CR1: variants seen among roughly 807,000 people sequenced by gnomAD.
CR1 encodes the protein complement C3b/C4b receptor 1 (Knops blood group), also known as complement receptor type 1.
A neutral mutation model predicts 187.3 loss-of-function variants in CR1; 116 were observed. The observed-to-expected ratio is 0.62, with a 90% confidence interval of 0.53 to 0.72. The LOEUF (loss-of-function observed/expected upper bound fraction) is 0.72. Ranked by LOEUF, CR1 falls within the 30% of genes least tolerant of loss-of-function variation. The pLI, the probability that CR1 is intolerant of heterozygous loss-of-function variation, is 0.00. For synonymous variants in CR1, 576 were observed against 747.1 expected (o/e 0.77, Z 3.73); for missense variants, 1,731 against 2,110.7 (o/e 0.82, Z 3.52).
chr1:207,641,391 G>A lies in CR1; in HGVS notation c.*1982G>A, dbSNP rs1347583631. The A allele has an allele frequency of 2.0e-5, 3 of 152,132 alleles. No individual in the cohort carries two copies. The highest frequency in any genetic ancestry group is 4.4e-5 in the Non-Finnish European group (3 of 68,040). 9.4% of individuals were successfully genotyped at this position (152,132 alleles called of 1,614,324 possible). On this transcript the variant is annotated 3_prime_UTR_variant, in exon 47 of 47. Transcript: ENST00000367049. ...GGGTCTTGCTCTGTTACCCAGGCTG[G>A]AGTGCAGTGGTGCTATCTAGGCTTA...
Position 207,609,381 on chromosome 1 carries a change from C to T in CR1, c.5988C>T (p.Tyr1996=). Residue 1996 remains tyrosine, a synonymous_variant, in exon 37 of 47, where the codon TAC becomes TAT. Coordinates refer to ENST00000367049, the MANE Select transcript of CR1 (RefSeq NM_000651.6). ...TTCACAATGGAACGGTGGTAACTTACCAGTGCCACACTGGACCAGATGGAG... is the reference window on the plus strand; with the variant it reads ...TTCACAATGGAACGGTGGTAACTTATCAGTGCCACACTGGACCAGATGGAG... The part of the protein sequence containing the change: ...TSFHNGTVVT[Y]QCHTGPDGEQ... 1.2e-6 allele frequency: 2 copies of T among 1,614,010 alleles called. No individual in the cohort carries two copies. Among genetic ancestry groups the T allele is most frequent in the East Asian group, 2.2e-5 (1 of 44,878 alleles).
chr1:207,637,598 C>T (rs1286304146), intron 46 of CR1, among the ~76,000 whole-genome samples: 1 of 152,226 alleles, frequency 6.6e-6, no homozygotes, highest in East Asian at 1.9e-4. Flanking sequence ...TTTTGGACTG[C>T]AGGCATTAAA....
At chr1:207,498,792 C>T (rs553597235) in intron 1 of CR1, among the ~76,000 whole-genome samples, 66 of 141,494 alleles carry the variant, frequency 4.7e-4, no homozygotes, top group African/African-American at 1.6e-3. Context: ...GCATGAGAAT[C>T]GCTTGAACCT....
rs1332301171 is a variant in CR1 at position 207,617,507 on chromosome 1, A to ATATGTGTG, written c.6890-563_6890-562insATGTGTGT. 1.6e-3 allele frequency among the ~76,000 whole-genome samples: 75 copies of ATATGTGTG among 47,018 alleles called. 3 individuals are homozygous for ATATGTGTG. The highest frequency in any genetic ancestry group is 0.015 in the South Asian group (23 of 1,530). 30.8% of individuals were successfully genotyped at this position (47,018 alleles called of 152,430 possible). A position where few individuals can be genotyped will look rare whatever the true frequency, so the allele number is the denominator to read the frequency against. On this transcript the variant is annotated intron_variant, in intron 41 of 46. Transcript: ENST00000367049. Reference sequence around the variant, plus strand: ...AGTATATATATATATATATATATATATGTGTGTGTGTGTGTGTGTGTGTGT... The same window carrying ATATGTGTG: ...AGTATATATATATATATATATATATATATGTGTGTGTGTGTGTGTGTGTGTGTGTGTGT...
intron 31 of CR1, among the ~76,000 whole-genome samples, chr1:207,581,204 AGACG>A (rs751832884): frequency 0.018 from 2,638 of 150,222 alleles, 101 homozygotes; most frequent in South Asian, 0.036. Flanking sequence ...ACGTATATGT[AGACG>A]TATACATATG....
Position 207,630,590 on chromosome 1 carries a change from C to A in CR1, c.7426C>A (p.Arg2476=). 1.2e-6 allele frequency: 2 copies of A among 1,608,906 alleles called. No individual in the cohort carries two copies. Among genetic ancestry groups the A allele is most frequent in the South Asian group, 2.2e-5 (2 of 89,582 alleles). ...TCAAGGAGGCAGCAGCGTTCATCCC[C>A]GAACTCTGCAAACAAATGAAGAAAA... is the stretch of plus-strand genomic sequence containing the variant. The part of the protein sequence containing the change: ...HSQGGSSVHP[R]TLQTNEENSR... The change falls in exon 46 of 47, where the codon CGA becomes AGA. Residue 2476 remains arginine, a synonymous_variant. Transcript: ENST00000367049.
chr1:207,628,880 G>A (rs1034835051), intron 45 of CR1, among the ~76,000 whole-genome samples: 1 of 151,958 alleles, frequency 6.6e-6, no homozygotes, highest in Non-Finnish European at 1.5e-5. Flanking sequence ...TGAGTCATTA[G>A]GCTATAAAAA....
intron 4 of CR1, among the ~76,000 whole-genome samples, chr1:207,518,514 G>A (rs1428468634): frequency 6.6e-6 from 1 of 152,150 alleles, no homozygotes; most frequent in Non-Finnish European, 1.5e-5. Context: ...AAACTTAGTG[G>A]CTTCAAAGAA....
In CR1 at chr1:207,618,265, A is replaced by G. The variant is rs1354894784; in HGVS notation, c.7066+18A>G. Reference sequence around the variant, plus strand: ...TTGCAAAGGTGACTTATTTCTTGGTATTCCTTATTCTTGCTGGGTTGTATG... The same window carrying G: ...TTGCAAAGGTGACTTATTTCTTGGTGTTCCTTATTCTTGCTGGGTTGTATG... On this transcript the variant is annotated intron_variant, in intron 42 of 46. Coordinates refer to ENST00000367049, the MANE Select transcript of CR1 (RefSeq NM_000651.6). 3 of 1,610,144 alleles carry G rather than the reference A, an allele frequency of 1.9e-6. No individual in the cohort carries two copies. The highest frequency in any genetic ancestry group is 1.3e-5 in the African/African-American group (1 of 74,840).
chr1:207,595,227 A>G (rs1005158317), intron 35 of CR1, among the ~76,000 whole-genome samples: 28 of 152,110 alleles, frequency 1.8e-4, no homozygotes, highest in Non-Finnish European at 2.4e-4. Context: ...GAAATGACAC[A>G]TATATACACA....
intron 1 of CR1, among the ~76,000 whole-genome samples, chr1:207,497,049 A>G (rs1366509146): frequency 6.6e-6 from 1 of 152,112 alleles, no homozygotes; most frequent in Admixed American, 6.5e-5. Context: ...CGCCCCCCAC[A>G]CCAAGCCACC....
chr1:207,597,294 C>T (rs1558256879), intron 35 of CR1, among the ~76,000 whole-genome samples: 1 of 152,064 alleles, frequency 6.6e-6, no homozygotes, highest in Non-Finnish European at 1.5e-5. Context: ...CCAATCCCCC[C>T]TTTTGAAAGA....
At chr1:207,634,697 T>C (rs10863426) in intron 46 of CR1, among the ~76,000 whole-genome samples, 57,189 of 151,362 alleles carry the variant, frequency 0.38, 11,400 homozygotes, top group African/African-American at 0.5. Flanking sequence ...AGGAGACGCT[T>C]CAGCACGGCT....
At chr1:207,633,326 T>C (rs879207515) in intron 46 of CR1, among the ~76,000 whole-genome samples, 1 of 152,178 alleles carries the variant, frequency 6.6e-6, no homozygotes, top group African/African-American at 2.4e-5. Flanking sequence ...ATATAAAAAA[T>C]ATAAAAATTA....
chr1:207,565,088 G>A (rs557411156), intron 23 of CR1, among the ~76,000 whole-genome samples: 1 of 149,986 alleles, frequency 6.7e-6, no homozygotes, highest in East Asian at 1.9e-4. Flanking sequence ...TCATTACCTT[G>A]TTTATGTCCA....
intron 4 of CR1, among the ~76,000 whole-genome samples, chr1:207,522,694 G>T (rs1419995760): frequency 6.6e-6 from 1 of 152,192 alleles, no homozygotes; most frequent in Non-Finnish European, 1.5e-5. Flanking sequence ...GATGGTTGGA[G>T]CAATATTTTA....
intron 35 of CR1, among the ~76,000 whole-genome samples, chr1:207,593,262 A>G (rs1301106088): frequency 6.6e-6 from 1 of 152,196 alleles, no homozygotes; most frequent in African/African-American, 2.4e-5. Context: ...AAACAGATAT[A>G]TAGACCAATG....
At chr1:207,626,077 A>G (rs905187005) in intron 45 of CR1, among the ~76,000 whole-genome samples, 1 of 152,192 alleles carries the variant, frequency 6.6e-6, no homozygotes, top group Non-Finnish European at 1.5e-5. Flanking sequence ...AAGTTACATT[A>G]TAAACTAAAT....
intron 43 of CR1, among the ~76,000 whole-genome samples, chr1:207,620,568 A>G (rs56105884): frequency 0.063 from 9,581 of 152,240 alleles, 1,010 homozygotes; most frequent in African/African-American, 0.22. Flanking sequence ...GCAGATGAGC[A>G]AAGTTAATAA....
Sources: gnomAD v4.1 joint callset for allele counts (sites outside exome capture counted in the v4.1 genomes callset) on GRCh38, gnomAD v4.1.1 for gene constraint, MANE v1.5 for transcripts, NCBI Gene and HGNC (gene_info 2026-07-23, HGNC 2026-07-21) for gene names.